RNF217: variants seen among roughly 807,000 people sequenced by gnomAD.
The protein encoded by RNF217 is E3 ubiquitin-protein ligase RNF217.
In RNF217, 31 loss-of-function variants were observed where a neutral mutation model predicts 57.8. The ratio of observed to expected loss-of-function variants is 0.54; its 90% CI spans 0.40 to 0.72. The LOEUF (loss-of-function observed/expected upper bound fraction) is 0.72. Among genes scored for constraint, RNF217 ranks in the 30% least tolerant of loss-of-function variants. RNF217 has a pLI of 0.00. For synonymous variants in RNF217, 313 were observed against 294.0 expected, an observed-to-expected ratio of 1.06 and a Z score of -0.66; for missense variants, 696 against 708.3, an observed-to-expected ratio of 0.98 and a Z score of 0.20.
chr6:124,992,229 G>A (rs1420349446), intron 1 of RNF217, among the ~76,000 whole-genome samples: 1 of 152,084 alleles, frequency 6.6e-6, no homozygotes, highest in African/African-American at 2.4e-5. Context: ...ATTTTAAGTA[G>A]GACATGTATT....
chr6:125,006,909 A>G (rs975808073), intron 1 of RNF217, among the ~76,000 whole-genome samples: 4 of 152,374 alleles, frequency 2.6e-5, no homozygotes, highest in African/African-American at 9.6e-5. Context: ...AGATCGCGCC[A>G]TTGCGCTCTA....
chr6:124,962,800 C>G lies in RNF217; in HGVS notation c.256C>G (p.Gln86Glu), dbSNP rs1252611904. Residue 86 changes from glutamine (Q) to glutamate (E), a missense_variant, in exon 1 of 6, where the codon CAG (glutamine) becomes GAG (glutamate). This residue lies in a region of RNF217 where 465 missense variants were observed against 386.8 expected (regional missense o/e 1.20). Transcript: ENST00000521654. The surrounding 1 kb of genome is among the most constrained non-coding windows in gnomAD (Gnocchi z 4.6). Reference protein sequence around the residue: ...PGWSKSRAPAQPAGLALTGPL... With the variant: ...PGWSKSRAPAEPAGLALTGPL... Reference sequence around the variant, plus strand: ...CTGGAGTAAGAGCCGAGCACCGGCGCAGCCTGCGGGACTGGCACTCACCGG... The same window carrying G: ...CTGGAGTAAGAGCCGAGCACCGGCGGAGCCTGCGGGACTGGCACTCACCGG... 12 of 1,597,462 alleles carry G rather than the reference C, an allele frequency of 7.5e-6. No homozygotes were observed. The highest frequency in any genetic ancestry group is 1.3e-5 in the African/African-American group (1 of 75,004).
chr6:125,029,468 C>G (rs987585684), intron 1 of RNF217, among the ~76,000 whole-genome samples: 2 of 152,112 alleles, frequency 1.3e-5, no homozygotes, highest in African/African-American at 4.8e-5. Context: ...AATCTAAAAA[C>G]TCCAGGTAAT....
At chr6:125,035,369 C>A (rs1347925992) in intron 1 of RNF217, among the ~76,000 whole-genome samples, 1 of 152,128 alleles carries the variant, frequency 6.6e-6, no homozygotes. Context: ...AGAAACTCTA[C>A]AAGCCAGAAG....
At position 124,962,570 on chromosome 6, in the gene RNF217, G is replaced by A; in HGVS notation, c.26G>A (p.Ser9Asn). MGEEQSTV[S>N]GGGGPQESQT... Reference sequence around the variant, plus strand: ...ATGGGCGAGGAGCAGAGCACGGTGAGCGGCGGCGGCGGGCCCCAGGAGTCG... The same window carrying A: ...ATGGGCGAGGAGCAGAGCACGGTGAACGGCGGCGGCGGGCCCCAGGAGTCG... The change falls in exon 1 of 6, where the codon AGC becomes AAC. Residue 9 changes from serine (S) to asparagine (N), a missense_variant. This residue lies in a region of RNF217 where 465 missense variants were observed against 386.8 expected (regional missense o/e 1.20). Transcript: ENST00000521654. The surrounding 1 kb of genome is among the most constrained non-coding windows in gnomAD (Gnocchi z 4.6). The A allele has an allele frequency of 8.0e-7, 1 of 1,246,516 alleles. No individual in the cohort carries two copies. Among genetic ancestry groups the A allele is most frequent in the Non-Finnish European group, 1.0e-6 (1 of 997,060 alleles). 77.2% of individuals were successfully genotyped at this position (1,246,516 alleles called of 1,614,324 possible).
At chr6:125,057,341 C>A (rs1787560029) in intron 2 of RNF217, among the ~76,000 whole-genome samples, 1 of 151,982 alleles carries the variant, frequency 6.6e-6, no homozygotes, top group Non-Finnish European at 1.5e-5. Context: ...ACCAACATGC[C>A]CACCTAATTT....
intron 3 of RNF217, among the ~76,000 whole-genome samples, chr6:125,065,042 G>A (rs763197053): frequency 1.3e-5 from 2 of 151,876 alleles, no homozygotes; most frequent in Admixed American, 6.6e-5. Flanking sequence ...TTGGGAGGCC[G>A]AGGCGGGCGG....
intron 1 of RNF217, among the ~76,000 whole-genome samples, chr6:124,968,273 A>G (rs567448554): frequency 8.5e-5 from 13 of 152,184 alleles, no homozygotes; most frequent in Non-Finnish European, 1.8e-4. Flanking sequence ...AGGTCACTCT[A>G]AAAATTTGAA....
intron 3 of RNF217, among the ~76,000 whole-genome samples, chr6:125,071,223 G>A (rs548791678): frequency 8.5e-5 from 13 of 152,230 alleles, no homozygotes; most frequent in African/African-American, 3.1e-4. Flanking sequence ...TCCATGATGT[G>A]AAAGTAACAT....
At position 125,083,916 on chromosome 6, in the gene RNF217, A is replaced by G. The variant is rs1245772906; in HGVS notation, c.*979A>G. ...TTTTGGAAAACATGCTTCACTCTATAGATAGATCCTTCACATTGGGATTAT... is the reference window on the plus strand; with the variant it reads ...TTTTGGAAAACATGCTTCACTCTATGGATAGATCCTTCACATTGGGATTAT... On this transcript the variant is annotated 3_prime_UTR_variant, in exon 6 of 6. Transcript: ENST00000521654. 6.6e-6 allele frequency: 1 copy of G among 152,060 alleles called. No homozygotes were observed. Among genetic ancestry groups the G allele is most frequent in the Non-Finnish European group, 1.5e-5 (1 of 67,980 alleles). The allele number at this position is 152,060 out of a possible 1,614,324, so 9.4% of individuals were successfully genotyped here.
At chr6:125,067,142 A>G (rs1044443210) in intron 3 of RNF217, among the ~76,000 whole-genome samples, 2 of 152,226 alleles carry the variant, frequency 1.3e-5, no homozygotes, top group Admixed American at 6.5e-5. Context: ...CTGCAAAGGC[A>G]CAGAGCCAGG....
chr6:125,042,072 C>G (rs1786903525), intron 1 of RNF217, among the ~76,000 whole-genome samples: 1 of 152,066 alleles, frequency 6.6e-6, no homozygotes, highest in Non-Finnish European at 1.5e-5. Flanking sequence ...TTCACTTAAT[C>G]ATAATTAGTT....
chr6:125,075,397 T>C (rs1467807997), intron 3 of RNF217, among the ~76,000 whole-genome samples: 3 of 152,168 alleles, frequency 2.0e-5, no homozygotes, highest in African/African-American at 7.2e-5. Flanking sequence ...TTTAATTGAC[T>C]CATGGTTCCG....
At chr6:125,002,018 TA>T (rs1422171213) in intron 1 of RNF217, among the ~76,000 whole-genome samples, 1 of 152,210 alleles carries the variant, frequency 6.6e-6, no homozygotes, top group African/African-American at 2.4e-5. Flanking sequence ...CCATATGAAA[TA>T]AGATCTTTAG....
chr6:125,035,036 T>C (rs1439586367), intron 1 of RNF217, among the ~76,000 whole-genome samples: 3 of 151,844 alleles, frequency 2.0e-5, no homozygotes, highest in African/African-American at 7.3e-5. Flanking sequence ...GTGATTTTTG[T>C]ACATTGATTT....
intron 1 of RNF217, among the ~76,000 whole-genome samples, chr6:125,015,997 CT>C (rs1363757702): frequency 1.3e-5 from 2 of 152,094 alleles, no homozygotes; most frequent in Non-Finnish European, 1.5e-5. Flanking sequence ...CAGTATGTGT[CT>C]ACTGTTATGT....
At position 125,009,200 on chromosome 6, in the gene RNF217, TAA is replaced by T. The variant is rs1010213348; in HGVS notation, c.883-36009_883-36008del. The T allele has an allele frequency of 2.5e-6, 4 of 1,585,626 alleles. No individual in the cohort carries two copies. In the Admixed American group the frequency reaches 7.3e-5, roughly 29 times the overall value. On this transcript the variant is annotated intron_variant, in intron 1 of 5. Coordinates refer to ENST00000521654, the MANE Select transcript of RNF217 (RefSeq NM_001286398.3). ...TCCATTGCCAGCACTTGAGTAAAGATAAAGAGTAGGAGAATCAAAGCTGTTGT... is the reference window on the plus strand; with the variant it reads ...TCCATTGCCAGCACTTGAGTAAAGATAGAGTAGGAGAATCAAAGCTGTTGT...
At position 125,092,396 on chromosome 6, in the gene RNF217, T is replaced by A. The variant is rs1325156846; in HGVS notation, c.*9459T>A. The A allele has an allele frequency of 6.6e-6, 1 of 152,192 alleles. No homozygotes were observed. The highest frequency in any genetic ancestry group is 1.5e-5 in the Non-Finnish European group (1 of 68,032). The allele number at this position is 152,192 out of a possible 1,614,324, so 9.4% of individuals were successfully genotyped here. A position where few individuals can be genotyped will look rare whatever the true frequency, so the allele number is the denominator to read the frequency against. On this transcript the variant is annotated 3_prime_UTR_variant, in exon 6 of 6. Transcript: ENST00000521654. ...GTTGTGGTTGGGCTTTTATAAAAAA[T>A]TATTTTCGGTTGGTTGTTGTAGAAT...
At chr6:124,984,582 G>A (rs1784307013) in intron 1 of RNF217, among the ~76,000 whole-genome samples, 1 of 151,504 alleles carries the variant, frequency 6.6e-6, no homozygotes, top group Admixed American at 6.6e-5. Context: ...AAATAGAGTG[G>A]AGGGGAGGGG....
Sources: gnomAD v4.1 joint callset for allele counts (sites outside exome capture counted in the v4.1 genomes callset) on GRCh38, gnomAD v4.1.1 for gene constraint, gnomAD v4.1.1 regional missense constraint, Gnocchi (gnomAD v3.1) non-coding constraint, MANE v1.5 for transcripts, NCBI Gene and HGNC (gene_info 2026-07-23, HGNC 2026-07-21) for gene names.